The following DAB1 variants were observed in gnomAD, a reference collection of about 807,000 sequenced individuals.
DAB1 encodes the protein disabled homolog 1.
DAB1 carries 15 observed loss-of-function variants against 64.6 expected under a neutral mutation model. The observed-to-expected ratio is 0.23, with a 90% CI of 0.16 to 0.36. The LOEUF (loss-of-function observed/expected upper bound fraction) is 0.36. Among genes scored for constraint, DAB1 ranks in the 10% least tolerant of loss-of-function variants. DAB1 has a pLI of 1.00. For missense variants in DAB1, 596 were observed against 706.7 expected, an observed-to-expected ratio of 0.84 and a Z score of 1.78; for synonymous variants, 235 against 251.9, an observed-to-expected ratio of 0.93 and a Z score of 0.64.
chr1:57,865,043 G>A (rs1654235277), intron 1 of DAB1: 1 of 152,126 alleles, frequency 6.6e-6, no homozygotes, highest in Non-Finnish European at 1.5e-5. Context: ...CGTACACTTG[G>A]AGGTGTGTGC....
intron 4 of DAB1, among the ~76,000 whole-genome samples, chr1:58,215,764 C>G (rs1658818986): frequency 6.6e-6 from 1 of 152,212 alleles, no homozygotes; most frequent in Non-Finnish European, 1.5e-5. Flanking sequence ...ATAAGAGCCA[C>G]TGAGATACTG....
chr1:57,249,459 C>A (rs1008246274), intron 2 of DAB1, among the ~76,000 whole-genome samples: 5 of 152,176 alleles, frequency 3.3e-5, no homozygotes, highest in African/African-American at 7.2e-5. Flanking sequence ...GCAGCCTCGG[C>A]CTTCTAGCCT....
At chr1:58,313,854 TGTGAGA>T (rs771947306) in intron 4 of DAB1, among the ~76,000 whole-genome samples, 92 of 117,802 alleles carry the variant, frequency 7.8e-4, no homozygotes, top group Middle Eastern at 4.1e-3. Flanking sequence ...TGTGTGTGTG[TGTGAGA>T]GAGAGAGAGA....
chr1:57,603,129 C>T (rs752575713), intron 7 of DAB1, among the ~76,000 whole-genome samples: 3 of 152,136 alleles, frequency 2.0e-5, no homozygotes, highest in South Asian at 2.1e-4. Flanking sequence ...TGCACCACCA[C>T]GCCTGGTTAA....
At chr1:57,697,989 G>C (rs1646864515) in intron 6 of DAB1, among the ~76,000 whole-genome samples, 1 of 151,940 alleles carries the variant, frequency 6.6e-6, no homozygotes, top group Admixed American at 6.6e-5. Context: ...CATACAAGCT[G>C]TTCCTCAAAA....
At chr1:58,498,476 T>C (rs775422594) in intron 3 of DAB1, among the ~76,000 whole-genome samples, 1 of 152,078 alleles carries the variant, frequency 6.6e-6, no homozygotes, top group Non-Finnish European at 1.5e-5. Context: ...GCCTAAGGAG[T>C]TAGGTGTCAA....
chr1:57,548,377 A>T (rs1169995393), intron 7 of DAB1, among the ~76,000 whole-genome samples: 2 of 152,176 alleles, frequency 1.3e-5, no homozygotes, highest in Non-Finnish European at 2.9e-5. Flanking sequence ...ATCCCATGAC[A>T]GCGTTCACAT....
chr1:58,385,984 G>T (rs538481068), intron 3 of DAB1, among the ~76,000 whole-genome samples: 3 of 152,244 alleles, frequency 2.0e-5, no homozygotes, highest in African/African-American at 7.2e-5. Context: ...CAACTACATG[G>T]GAAAGGCACT....
At chr1:58,522,807 GGAAGA>G (rs1328220117) in intron 2 of DAB1, among the ~76,000 whole-genome samples, 8 of 152,022 alleles carry the variant, frequency 5.3e-5, no homozygotes, top group Non-Finnish European at 1.0e-4. Context: ...AAAACCATAA[GGAAGA>G]GAAAATATAT....
intron 6 of DAB1, among the ~76,000 whole-genome samples, chr1:57,676,385 T>A (rs139972404): frequency 8.1e-4 from 124 of 152,290 alleles, no homozygotes; most frequent in African/African-American, 2.7e-3. Flanking sequence ...TTCATACCAA[T>A]CTGATCAAAG....
intron 1 of DAB1, among the ~76,000 whole-genome samples, chr1:57,829,621 G>A (rs1557504393): frequency 6.6e-6 from 1 of 152,120 alleles, no homozygotes; most frequent in East Asian, 1.9e-4. Context: ...CAAGCACTGT[G>A]CCAGATGCCA....
intron 7 of DAB1, among the ~76,000 whole-genome samples, chr1:57,640,958 A>G (rs1030966777): frequency 2.6e-5 from 4 of 152,196 alleles, no homozygotes; most frequent in African/African-American, 9.6e-5. Flanking sequence ...AAATTCCTAT[A>G]GAAATGTCCT....
intron 2 of DAB1, among the ~76,000 whole-genome samples, chr1:57,227,625 C>T (rs112208302): frequency 0.022 from 3,354 of 151,650 alleles, 114 homozygotes; most frequent in African/African-American, 0.075. Context: ...GGCATGATCT[C>T]GGTTCACTGC....
chr1:58,210,161 A>G (rs893191189), intron 4 of DAB1, among the ~76,000 whole-genome samples: 2 of 152,204 alleles, frequency 1.3e-5, no homozygotes, highest in Admixed American at 1.3e-4. Flanking sequence ...AAATACCCTC[A>G]AGACGTCCGA....
At chr1:58,360,390 A>G (rs765965610) in intron 3 of DAB1, among the ~76,000 whole-genome samples, 51 of 152,182 alleles carry the variant, frequency 3.4e-4, no homozygotes, top group Non-Finnish European at 6.9e-4. Flanking sequence ...TGTGGATGTG[A>G]AGGCATTCTG....
At chr1:58,384,037 C>T (rs1644412493) in intron 3 of DAB1, among the ~76,000 whole-genome samples, 1 of 152,064 alleles carries the variant, frequency 6.6e-6, no homozygotes. Context: ...ACCTCACCAA[C>T]ACTTGTTATC....
In DAB1 at chr1:57,189,256, G is replaced by T. The variant is rs155300; in HGVS notation, c.68-43827C>A. Among the ~76,000 whole-genome samples, 1,501 of 152,216 alleles carry T rather than the reference G, an allele frequency of 9.9e-3. 28 individuals carry two copies. Among genetic ancestry groups the T allele is most frequent in the African/African-American group, 0.035 (1,440 of 41,528 alleles). ...TATAATAGCTGACATTTGGAAAATCGTATCAATGTAGTCTTTTATCAACAT... is the reference window on the plus strand; with the variant it reads ...TATAATAGCTGACATTTGGAAAATCTTATCAATGTAGTCTTTTATCAACAT... On this transcript the variant is annotated intron_variant, in intron 2 of 14. Coordinates refer to ENST00000371236, the MANE Select transcript of DAB1 (RefSeq NM_001365792.1).
At chr1:58,209,439 C>T (rs1658442382) in intron 4 of DAB1, among the ~76,000 whole-genome samples, 1 of 151,984 alleles carries the variant, frequency 6.6e-6, no homozygotes, top group Non-Finnish European at 1.5e-5. Context: ...ACAAAAACAA[C>T]AAGAACAACA....
intron 5 of DAB1, among the ~76,000 whole-genome samples, chr1:57,980,186 C>T (rs1019794568): frequency 1.3e-5 from 2 of 152,138 alleles, no homozygotes; most frequent in African/African-American, 4.8e-5. Context: ...GCAAGCTTGC[C>T]ATGCCAACCC....
Sources: allele counts gnomAD v4.1 joint callset (sites outside exome capture counted in the v4.1 genomes callset), GRCh38; gene constraint gnomAD v4.1.1; transcripts MANE v1.5; gene names NCBI Gene and HGNC (gene_info 2026-07-23, HGNC 2026-07-21).